Variants in SPECC1 observed in about 807,000 individuals in gnomAD.
SPECC1 encodes cytospin-B.
A neutral mutation model predicts 104.1 loss-of-function variants in SPECC1; 62 were observed. That is an observed-to-expected ratio of 0.60 (90% CI 0.49 to 0.74). SPECC1 has a LOEUF of 0.74. Ranked by LOEUF, SPECC1 falls within the 30% of genes least tolerant of loss-of-function variation. SPECC1 has a pLI of 0.00. For missense variants in SPECC1, 1,306 were observed against 1,310.5 expected, an observed-to-expected ratio of 1.00 and a Z score of 0.05; for synonymous variants, 513 against 501.6, an observed-to-expected ratio of 1.02 and a Z score of -0.30.
chr17:20,226,261 T>C (rs2038197621), intron 4 of SPECC1, among the ~76,000 whole-genome samples: 1 of 152,218 alleles, frequency 6.6e-6, no homozygotes, highest in South Asian at 2.1e-4. Context: ...AGTAATGACT[T>C]AGCATGATGT....
At chr17:20,144,078 C>T (rs1349276781) in intron 3 of SPECC1, among the ~76,000 whole-genome samples, 1 of 152,058 alleles carries the variant, frequency 6.6e-6, no homozygotes. Context: ...TGACACACTC[C>T]TGGGACTCCC....
intron 12 of SPECC1, among the ~76,000 whole-genome samples, chr17:20,294,684 A>G (rs1047110586): frequency 7.7e-5 from 6 of 77,754 alleles, no homozygotes; most frequent in Non-Finnish European, 8.7e-5. Flanking sequence ...GGTGGGGATG[A>G]TGGTCATGGT....
chr17:20,086,394 A>C (rs1434392447), intron 1 of SPECC1, among the ~76,000 whole-genome samples: 1 of 152,172 alleles, frequency 6.6e-6, no homozygotes, highest in African/African-American at 2.4e-5. Flanking sequence ...CTCCTCAGCC[A>C]GCCTCTTCAC....
At chr17:20,153,423 G>A (rs572311527) in intron 3 of SPECC1, among the ~76,000 whole-genome samples, 19 of 152,192 alleles carry the variant, frequency 1.2e-4, no homozygotes, top group Non-Finnish European at 2.4e-4. Flanking sequence ...GAGGCATGGC[G>A]CAGTCAGATT....
intron 3 of SPECC1, among the ~76,000 whole-genome samples, chr17:20,161,311 A>T (rs1240041041): frequency 2.0e-5 from 3 of 152,214 alleles, no homozygotes; most frequent in Non-Finnish European, 4.4e-5. Context: ...TCACAGGTAA[A>T]TGAGGATGTA....
intron 3 of SPECC1, among the ~76,000 whole-genome samples, chr17:20,143,555 G>A (rs923171732): frequency 1.8e-4 from 27 of 152,010 alleles, no homozygotes; most frequent in African/African-American, 5.8e-4. Context: ...ATGGTGGCAC[G>A]TGCCTGTAAT....
At chr17:20,058,752 G>C (rs2046063917) in intron 1 of SPECC1, among the ~76,000 whole-genome samples, 1 of 151,464 alleles carries the variant, frequency 6.6e-6, no homozygotes, top group African/African-American at 2.4e-5. Context: ...GACTGGTTTT[G>C]TGGGAGAATT....
At chr17:20,020,955 A>G (rs2044351839) in intron 1 of SPECC1, among the ~76,000 whole-genome samples, 1 of 152,210 alleles carries the variant, frequency 6.6e-6, no homozygotes. Context: ...CTGACAGCCT[A>G]CTGTTGAGTG....
chr17:20,098,551 C>T (rs2047764045), intron 2 of SPECC1, among the ~76,000 whole-genome samples: 1 of 152,216 alleles, frequency 6.6e-6, no homozygotes, highest in South Asian at 2.1e-4. Flanking sequence ...CAACCCTGTC[C>T]CCTGCCTCTC....
chr17:20,176,001 C>A (rs2034448677), intron 3 of SPECC1, among the ~76,000 whole-genome samples: 1 of 152,138 alleles, frequency 6.6e-6, no homozygotes, highest in Non-Finnish European at 1.5e-5. Flanking sequence ...TATATTCAGC[C>A]CCCTTGGCTT....
chr17:20,119,284 C>G (rs925684126), intron 3 of SPECC1, among the ~76,000 whole-genome samples: 1 of 152,104 alleles, frequency 6.6e-6, no homozygotes, highest in Admixed American at 6.5e-5. Flanking sequence ...GCTCTTGTTG[C>G]CCAGGCTGGA....
chr17:20,257,747 T>C lies in SPECC1; in HGVS notation c.2837+140T>C, dbSNP rs2039886352. The C allele has an allele frequency of 3.4e-6, 4 of 1,160,390 alleles. No individual in the cohort carries two copies. The Admixed American group carries it at 7.8e-5, about 23-fold the overall frequency. The allele number at this position is 1,160,390 out of a possible 1,614,324, so 71.9% of individuals were successfully genotyped here. On this transcript the variant is annotated intron_variant, in intron 11 of 14. Transcript: ENST00000395527. ...AATGACTAAGACACTGTGCCTGCCC[T>C]TGGTGAGTCTAAAAGGATGACAGTG...
chr17:20,281,021 G>A (rs1246149856), intron 12 of SPECC1, among the ~76,000 whole-genome samples: 1 of 152,190 alleles, frequency 6.6e-6, no homozygotes, highest in Non-Finnish European at 1.5e-5. Context: ...GTCACAGTTT[G>A]GTTTGGTTTG....
intron 1 of SPECC1, among the ~76,000 whole-genome samples, chr17:20,016,850 CTGA>C (rs1266102186): frequency 6.6e-6 from 1 of 152,254 alleles, no homozygotes; most frequent in African/African-American, 2.4e-5. Context: ...ACCTGTGGCA[CTGA>C]TGCCGGATCC....
Position 20,207,018 on chromosome 17 carries a change from T to C in SPECC1, c.1863+1106T>C, listed in dbSNP as rs530591075. 4.6e-5 allele frequency among the ~76,000 whole-genome samples: 7 copies of C among 152,356 alleles called. No homozygotes were observed. The South Asian group carries it at 1.2e-3, about 27-fold the overall frequency. On this transcript the variant is annotated intron_variant, in intron 4 of 14. Coordinates refer to ENST00000395527, the MANE Select transcript of SPECC1 (RefSeq NM_001243439.2). Reference sequence around the variant, plus strand: ...TGATGCAAGAATTGTGGTGATTTTATGATATTCTGCCCACCTCCCAGAGCA... The same window carrying C: ...TGATGCAAGAATTGTGGTGATTTTACGATATTCTGCCCACCTCCCAGAGCA...
chr17:20,096,441 G>A (rs1156425607), intron 1 of SPECC1, among the ~76,000 whole-genome samples, 190 bp from the exon 2 acceptor site: 2 of 152,166 alleles, frequency 1.3e-5, no homozygotes, highest in African/African-American at 2.4e-5. Context: ...AGCTGTTATG[G>A]AGTTGTAAAA....
At chr17:20,174,303 G>C (rs2034307919) in intron 3 of SPECC1, among the ~76,000 whole-genome samples, 1 of 152,122 alleles carries the variant, frequency 6.6e-6, no homozygotes, top group African/African-American at 2.4e-5. Flanking sequence ...TACAATAAAG[G>C]TGATTTTTAA....
chr17:20,131,078 T>C (rs1369039634), intron 3 of SPECC1, among the ~76,000 whole-genome samples: 1 of 152,270 alleles, frequency 6.6e-6, no homozygotes, highest in East Asian at 1.9e-4. Context: ...GCCTTATACC[T>C]TGCAACTTTG....
intron 3 of SPECC1, among the ~76,000 whole-genome samples, chr17:20,139,912 G>T (rs961285779): frequency 2.0e-5 from 3 of 152,110 alleles, no homozygotes; most frequent in Non-Finnish European, 4.4e-5. Context: ...CTGACGTTGT[G>T]ATCCGCCTGT....
Sources: allele counts gnomAD v4.1 joint callset (sites outside exome capture counted in the v4.1 genomes callset), GRCh38; gene constraint gnomAD v4.1.1; transcripts MANE v1.5; gene names NCBI Gene and HGNC (gene_info 2026-07-23, HGNC 2026-07-21).